CSMD1: variants seen among roughly 807,000 people sequenced by gnomAD.
CSMD1 encodes the protein CUB and Sushi multiple domains 1, also known as CUB and sushi domain-containing protein 1.
A neutral mutation model predicts 417.5 loss-of-function variants in CSMD1; 213 were observed. The ratio of observed to expected loss-of-function variants is 0.51; its 90% CI spans 0.46 to 0.57. CSMD1 has a LOEUF of 0.57. Ranked by LOEUF, CSMD1 falls within the 20% of genes least tolerant of loss-of-function variation. CSMD1 has a pLI of 0.00. For missense variants in CSMD1, 6,923 were observed against 4,529.7 expected (o/e 1.53, Z -15.17); for synonymous variants, 2,862 against 1,736.8 (o/e 1.65, Z -16.11).
At chr8:4,602,129 C>T (rs965671212) in intron 2 of CSMD1, among the ~76,000 whole-genome samples, 2 of 152,178 alleles carry the variant, frequency 1.3e-5, no homozygotes, top group Non-Finnish European at 2.9e-5. Flanking sequence ...AATCTTTCTG[C>T]TCCCCCAGTT....
chr8:3,558,813 C>G (rs1178450956), intron 10 of CSMD1, among the ~76,000 whole-genome samples: 1 of 150,922 alleles, frequency 6.6e-6, no homozygotes, highest in Non-Finnish European at 1.5e-5. Context: ...CTCAATAGCA[C>G]CTCGTGTCCA....
At chr8:4,443,968 G>A (rs984342485) in intron 2 of CSMD1, among the ~76,000 whole-genome samples, 20 of 152,126 alleles carry the variant, frequency 1.3e-4, no homozygotes, top group Non-Finnish European at 2.6e-4. Context: ...AATTACCTGT[G>A]ATATGAGGTG....
chr8:3,567,817 G>A (rs1039825177), intron 10 of CSMD1, among the ~76,000 whole-genome samples: 8 of 152,160 alleles, frequency 5.3e-5, no homozygotes, highest in Admixed American at 1.3e-4. Context: ...CTGCAGATCC[G>A]TCACTATTTG....
intron 3 of CSMD1, among the ~76,000 whole-genome samples, chr8:4,356,201 C>A (rs999336885): frequency 2.0e-5 from 3 of 152,136 alleles, no homozygotes; most frequent in African/African-American, 7.2e-5. Context: ...TGGGAAGATA[C>A]AATGTTTGGT....
intron 3 of CSMD1, among the ~76,000 whole-genome samples, chr8:4,097,990 G>A (rs6558847): frequency 0.79 from 119,460 of 152,122 alleles, 47,014 homozygotes; most frequent in South Asian, 0.82. Context: ...TGGATCAGAT[G>A]GAAATGAACT....
At chr8:3,468,652 G>A in intron 12 of CSMD1, 60 bp downstream of exon 12, 2 of 1,012,510 alleles carry the variant, frequency 2.0e-6, no homozygotes, top group Non-Finnish European at 3.0e-6. Flanking sequence ...AACACAGAAT[G>A]CTCTCTGCCC....
intron 5 of CSMD1, among the ~76,000 whole-genome samples, chr8:3,894,083 T>C (rs1157815317): frequency 2.0e-5 from 3 of 152,186 alleles, no homozygotes; most frequent in Admixed American, 1.3e-4. Flanking sequence ...AAGCCGTTAA[T>C]TGTCTCTTTC....
At chr8:4,416,197 G>C (rs1199983028) in intron 3 of CSMD1, among the ~76,000 whole-genome samples, 2 of 152,088 alleles carry the variant, frequency 1.3e-5, no homozygotes, top group African/African-American at 4.8e-5. Flanking sequence ...TCACTGTTTT[G>C]ATTCAGAGCT....
chr8:3,365,359 G>T (rs1167651891), intron 20 of CSMD1, among the ~76,000 whole-genome samples: 1 of 152,152 alleles, frequency 6.6e-6, no homozygotes, highest in East Asian at 1.9e-4. Context: ...GTAGTTCAGA[G>T]CATCTTAAAA....
chr8:3,857,067 C>G (rs995612633), intron 5 of CSMD1, among the ~76,000 whole-genome samples: 1 of 150,884 alleles, frequency 6.6e-6, no homozygotes, highest in East Asian at 1.9e-4. Flanking sequence ...ACACTTACTT[C>G]AGGAAAAAAA....
At chr8:4,138,068 T>A (rs113643922) in intron 3 of CSMD1, among the ~76,000 whole-genome samples, 4 of 105,974 alleles carry the variant, frequency 3.8e-5, no homozygotes, top group East Asian at 2.4e-4. Context: ...TTTTTTTTTT[T>A]TTTTTTTTTT....
intron 5 of CSMD1, among the ~76,000 whole-genome samples, chr8:3,989,882 T>A (rs1055298909): frequency 5.3e-5 from 8 of 152,154 alleles, no homozygotes; most frequent in Non-Finnish European, 8.8e-5. Context: ...TACCTTATTC[T>A]CCTAACCAGT....
intron 7 of CSMD1, chr8:3,704,952 T>A (rs779490410): frequency 6.6e-6 from 1 of 152,234 alleles, no homozygotes; most frequent in Non-Finnish European, 1.5e-5. Flanking sequence ...GCCCAGTGTT[T>A]GTTTTTACTT....
intron 2 of CSMD1, among the ~76,000 whole-genome samples, chr8:4,424,292 C>A (rs760007245): frequency 6.6e-6 from 1 of 151,878 alleles, no homozygotes; most frequent in Non-Finnish European, 1.5e-5. Flanking sequence ...AGCCAAATAT[C>A]TGACAAAAGA....
At chr8:4,409,642 CTT>C (rs61368925) in intron 3 of CSMD1, among the ~76,000 whole-genome samples, 11,047 of 141,644 alleles carry the variant, frequency 0.078, 482 homozygotes, top group East Asian at 0.15. Context: ...GACTTTTTTT[CTT>C]TTTTTTTTTT....
chr8:4,396,136 A>G (rs1274117900), intron 3 of CSMD1, among the ~76,000 whole-genome samples: 2 of 152,108 alleles, frequency 1.3e-5, no homozygotes, highest in African/African-American at 4.8e-5. Flanking sequence ...ATGGGAATGT[A>G]TGCTAAATAT....
At chr8:3,254,288 C>T (rs1046350041) in intron 26 of CSMD1, among the ~76,000 whole-genome samples, 1 of 152,200 alleles carries the variant, frequency 6.6e-6, no homozygotes, top group Non-Finnish European at 1.5e-5. Context: ...CCCGACCTTT[C>T]TCTCTGGCTG....
intron 4 of CSMD1, among the ~76,000 whole-genome samples, chr8:4,024,420 T>C (rs1487674888): frequency 6.6e-6 from 1 of 152,204 alleles, no homozygotes; most frequent in Non-Finnish European, 1.5e-5. Flanking sequence ...ACTTTATTAT[T>C]AAACTCTTCA....
chr8:3,951,372 G>C (rs1275129195), intron 5 of CSMD1, among the ~76,000 whole-genome samples: 8 of 152,156 alleles, frequency 5.3e-5, no homozygotes, highest in Non-Finnish European at 7.3e-5. Context: ...AATTCAATAA[G>C]TTTGTTAATT....
Sources: gnomAD v4.1 joint callset for allele counts (sites outside exome capture counted in the v4.1 genomes callset) on GRCh38, gnomAD v4.1.1 for gene constraint, MANE v1.5 for transcripts, NCBI Gene and HGNC (gene_info 2026-07-23, HGNC 2026-07-21) for gene names.